The following PTPN14 variants were observed in gnomAD, a reference collection of about 807,000 sequenced individuals.
PTPN14 encodes protein tyrosine phosphatase non-receptor type 14.
A neutral mutation model predicts 126.8 loss-of-function variants in PTPN14; 53 were observed. That is an observed-to-expected ratio of 0.42 (90% CI 0.34 to 0.53). PTPN14 has a LOEUF of 0.53. Ranked by LOEUF, PTPN14 falls within the 20% of genes least tolerant of loss-of-function variation. The probability of loss-of-function intolerance (pLI) is 0.08; values close to 1 mark genes in which losing one functional copy is unlikely to be tolerated. For synonymous variants in PTPN14, 630 were observed against 599.3 expected, an observed-to-expected ratio of 1.05 and a Z score of -0.75; for missense variants, 1,257 against 1,552.9, an observed-to-expected ratio of 0.81 and a Z score of 3.20.
intron 2 of PTPN14, among the ~76,000 whole-genome samples, chr1:214,464,216 C>CAAAAAAA (rs11316078): frequency 8.2e-6 from 1 of 121,978 alleles, no homozygotes; most frequent in Non-Finnish European, 1.7e-5. Flanking sequence ...TAGAAACAAC[C>CAAAAAAA]AAAAAAAAAA....
intron 8 of PTPN14, 24 bp downstream of exon 8, chr1:214,397,889 A>G (rs761713140): frequency 6.4e-6 from 10 of 1,553,706 alleles, no homozygotes; most frequent in Admixed American, 1.7e-5. Context: ...AAAAGAAAAA[A>G]GAAAAACAAA....
At chr1:214,468,507 G>C (rs756495994) in intron 1 of PTPN14, among the ~76,000 whole-genome samples, 18 of 152,156 alleles carry the variant, frequency 1.2e-4, no homozygotes, top group Non-Finnish European at 2.2e-4. Context: ...AGTGAGCTGA[G>C]ATGGCACTAT....
At chr1:214,396,544 A>C (rs887935201) in intron 8 of PTPN14, among the ~76,000 whole-genome samples, 1 of 152,194 alleles carries the variant, frequency 6.6e-6, no homozygotes, top group Non-Finnish European at 1.5e-5. Context: ...AATCCTAGAT[A>C]TACTCGGAGC....
At chr1:214,446,451 T>C (rs894554355) in intron 3 of PTPN14, among the ~76,000 whole-genome samples, 3 of 152,198 alleles carry the variant, frequency 2.0e-5, no homozygotes, top group Admixed American at 1.3e-4. Flanking sequence ...ATCTAGCAGA[T>C]GAGACACAGT....
intron 1 of PTPN14, among the ~76,000 whole-genome samples, chr1:214,505,858 T>C (rs1011421912): frequency 6.6e-6 from 1 of 152,204 alleles, no homozygotes; most frequent in Admixed American, 6.5e-5. Flanking sequence ...ATTGTGCCAC[T>C]GGACTCCTGC....
At chr1:214,417,417 C>T (rs1659451058) in intron 3 of PTPN14, among the ~76,000 whole-genome samples, 1 of 152,118 alleles carries the variant, frequency 6.6e-6, no homozygotes, top group African/African-American at 2.4e-5. Flanking sequence ...CTAGAATCTC[C>T]TCATCCGATG....
chr1:214,506,188 A>G (rs1156228438), intron 1 of PTPN14, among the ~76,000 whole-genome samples: 2 of 152,130 alleles, frequency 1.3e-5, no homozygotes, highest in Admixed American at 6.5e-5. Flanking sequence ...GGAAGAGCCA[A>G]TTTCCGCTAG....
chr1:214,447,241 T>C (rs760538131), intron 3 of PTPN14, among the ~76,000 whole-genome samples: 4 of 152,148 alleles, frequency 2.6e-5, no homozygotes, highest in Non-Finnish European at 4.4e-5. Flanking sequence ...CTGAGCTGCC[T>C]GGAAGGCAGT....
intron 1 of PTPN14, among the ~76,000 whole-genome samples, chr1:214,511,109 A>C (rs1227352759): frequency 1.3e-5 from 2 of 151,964 alleles, no homozygotes. Context: ...GCTGATCTCA[A>C]ACTCCTGGTG....
At chr1:214,475,059 G>A (rs1660837941) in intron 1 of PTPN14, among the ~76,000 whole-genome samples, 1 of 152,202 alleles carries the variant, frequency 6.6e-6, no homozygotes, top group South Asian at 2.1e-4. Context: ...ACTATGAGTT[G>A]ACAGTTCTTG....
chr1:214,495,457 T>G (rs1210095952), intron 1 of PTPN14, among the ~76,000 whole-genome samples: 1 of 152,076 alleles, frequency 6.6e-6, no homozygotes, highest in Non-Finnish European at 1.5e-5. Context: ...AAAATTTAAT[T>G]CAAATCTTCT....
chr1:214,372,860 C>T (rs746118345), intron 15 of PTPN14, 21 bp from the exon 16 acceptor site: 15 of 1,612,946 alleles, frequency 9.3e-6, no homozygotes, highest in East Asian at 2.2e-5. Context: ...AGAAAAGTAT[C>T]GGTAAATAAA....
chr1:214,524,255 A>T (rs1298438449), intron 1 of PTPN14, among the ~76,000 whole-genome samples: 1 of 152,108 alleles, frequency 6.6e-6, no homozygotes, highest in African/African-American at 2.4e-5. Context: ...ATTTTCTTAT[A>T]AGAAAATCAA....
chr1:214,412,306 A>AT (rs1659326583), intron 4 of PTPN14, among the ~76,000 whole-genome samples: 1 of 152,228 alleles, frequency 6.6e-6, no homozygotes, highest in African/African-American at 2.4e-5. Flanking sequence ...GCAAAATGAA[A>AT]TATATAAAGT....
chr1:214,532,694 A>G (rs567790201), intron 1 of PTPN14: 2 of 800,964 alleles, frequency 2.5e-6, no homozygotes, highest in Admixed American at 1.7e-5. Flanking sequence ...TATGAGACAG[A>G]CTCTCAGGCG....
chr1:214,418,439 G>A lies in PTPN14; in HGVS notation c.345-3713C>T, dbSNP rs374290227. On this transcript the variant is annotated intron_variant, in intron 3 of 18. Transcript: ENST00000366956. ...AGAGAAGGCAACTGTGTTGAGGGAG[G>A]AGAATGACTTGTCCAAGGTAATACT... Among the ~76,000 whole-genome samples, 21 of 152,354 alleles carry A rather than the reference G, an allele frequency of 1.4e-4. No homozygotes were observed. In the East Asian group the frequency reaches 2.7e-3, roughly 20 times the overall value.
At chr1:214,476,970 T>C (rs551639498) in intron 1 of PTPN14, among the ~76,000 whole-genome samples, 2 of 152,292 alleles carry the variant, frequency 1.3e-5, no homozygotes, top group East Asian at 3.9e-4. Flanking sequence ...GTAAAAATGT[T>C]TTCCCAACAA....
At chr1:214,398,440 T>C (rs531768332) in intron 7 of PTPN14, among the ~76,000 whole-genome samples, 1 of 152,186 alleles carries the variant, frequency 6.6e-6, no homozygotes, top group Admixed American at 6.5e-5. Context: ...AACAATATAT[T>C]GGTGTTTGTT....
chr1:214,483,448 T>G lies in PTPN14; in HGVS notation c.-154-18491A>C, dbSNP rs1661047183. 3.7e-6 allele frequency: 4 copies of G among 1,084,462 alleles called. No individual in the cohort carries two copies. The Admixed American group carries it at 5.9e-5, about 16-fold the overall frequency. The allele number at this position is 1,084,462 out of a possible 1,614,324, so 67.2% of individuals were successfully genotyped here. On this transcript the variant is annotated intron_variant, in intron 1 of 18. Transcript: ENST00000366956. ...CAGGGCGGGAGCGGGCGCACAAGCC[T>G]CGCCTAGTAATCTTGCCTGCGACCC... is the stretch of plus-strand genomic sequence containing the variant.
Sources: allele counts gnomAD v4.1 joint callset (sites outside exome capture counted in the v4.1 genomes callset), GRCh38; gene constraint gnomAD v4.1.1; transcripts MANE v1.5; gene names NCBI Gene and HGNC (gene_info 2026-07-23, HGNC 2026-07-21).